The following YOD1 variants were observed in gnomAD, a reference collection of about 807,000 sequenced individuals.
YOD1 encodes ubiquitin thioesterase OTU1.
In YOD1, 17 loss-of-function variants were observed where a neutral mutation model predicts 23.7. The observed-to-expected ratio is 0.72, with a 90% confidence interval of 0.49 to 1.07. The LOEUF (loss-of-function observed/expected upper bound fraction) is 1.07. Ranked by LOEUF, YOD1 falls within the 50% of genes least tolerant of loss-of-function variation. YOD1 has a pLI of 0.00. For synonymous variants in YOD1, 191 were observed against 169.6 expected, an observed-to-expected ratio of 1.13 and a Z score of -0.98; for missense variants, 413 against 447.2, an observed-to-expected ratio of 0.92 and a Z score of 0.69.
chr1:207,045,765 T>C lies in YOD1; in HGVS notation c.*3255A>G, dbSNP rs1185831680. ...AGAGAAGCAAGTTAGGCATGGGCAT[T>C]TAGGGACACAGACAAATTAGATAGA... On this transcript the variant is annotated 3_prime_UTR_variant, in exon 2 of 2. Transcript: ENST00000315927. The C allele has an allele frequency of 6.6e-6, 1 of 152,058 alleles. No individual in the cohort carries two copies. Among genetic ancestry groups the C allele is most frequent in the African/African-American group, 2.4e-5 (1 of 41,422 alleles). 9.4% of individuals were successfully genotyped at this position (152,058 alleles called of 1,614,324 possible).
chr1:207,051,092 C>A lies in YOD1; in HGVS notation c.-62G>T. The A allele has an allele frequency of 1.4e-6, 2 of 1,439,472 alleles. No homozygotes were observed. Among genetic ancestry groups the A allele is most frequent in the Non-Finnish European group, 1.8e-6 (2 of 1,101,122 alleles). The allele number at this position is 1,439,472 out of a possible 1,614,324, so 89.2% of individuals were successfully genotyped here. A position where few individuals can be genotyped will look rare whatever the true frequency, so the allele number is the denominator to read the frequency against. On this transcript the variant is annotated 5_prime_UTR_variant, in exon 1 of 2. Coordinates refer to ENST00000315927, the MANE Select transcript of YOD1 (RefSeq NM_018566.4). ...CTTCGGTGCGGCTTCTGCCTTAGTACCTTAGCAAGCGCGAACTCTTTTAAA... is the reference window on the plus strand; with the variant it reads ...CTTCGGTGCGGCTTCTGCCTTAGTAACTTAGCAAGCGCGAACTCTTTTAAA...
chr1:207,048,070 C>G lies in YOD1; in HGVS notation c.*950G>C, dbSNP rs905738292. On this transcript the variant is annotated 3_prime_UTR_variant, in exon 2 of 2. Transcript: ENST00000315927. ...AAAGCTGAGAAAATTAAATTCCCCC[C>G]GATAAACTTTACGCAAATGAAGAAA... 2.0e-5 allele frequency: 3 copies of G among 152,364 alleles called. No homozygotes were observed. Among genetic ancestry groups the G allele is most frequent in the African/African-American group, 7.3e-5 (3 of 41,360 alleles). 9.4% of individuals were successfully genotyped at this position (152,364 alleles called of 1,614,324 possible).
At position 207,044,978 on chromosome 1, in the gene YOD1, C is replaced by T. The variant is rs746055161; in HGVS notation, c.*4042G>A. On this transcript the variant is annotated 3_prime_UTR_variant, in exon 2 of 2. Coordinates refer to ENST00000315927, the MANE Select transcript of YOD1 (RefSeq NM_018566.4). The stretch of plus-strand genomic sequence containing the variant: ...TAGATAATTTTGAGAAAAATAAACA[C>T]TCTCCCACAACCAGGGACACTTAAT... 2.0e-5 allele frequency: 3 copies of T among 152,446 alleles called. No homozygotes were observed. Among genetic ancestry groups the T allele is most frequent in the Non-Finnish European group, 4.4e-5 (3 of 67,924 alleles). The allele number at this position is 152,446 out of a possible 1,614,324, so 9.4% of individuals were successfully genotyped here. A position where few individuals can be genotyped will look rare whatever the true frequency, so the allele number is the denominator to read the frequency against.
Position 207,049,622 on chromosome 1 carries a change from G to A in YOD1, c.445C>T (p.Leu149Phe), listed in dbSNP as rs751635990. Residue 149 changes from leucine to phenylalanine, a missense_variant, in exon 2 of 2, where the codon CTT becomes TTT. Coordinates refer to ENST00000315927, the MANE Select transcript of YOD1 (RefSeq NM_018566.4). ...SSYVRETLPV[L>F]TRTVVPADNS... ...TCTGCTGGGACCACGGTTCTGGTAA[G>A]CACAGGCAAAGTTTCCCTGACGTAA... 3 of 1,614,194 alleles carry A rather than the reference G, an allele frequency of 1.9e-6. No individual in the cohort carries two copies. In the Admixed American group the frequency reaches 5.0e-5, roughly 27 times the overall value.
Position 207,049,242 on chromosome 1 carries a change from G to C in YOD1, c.825C>G (p.Phe275Leu). Residue 275 changes from phenylalanine to leucine, a missense_variant, in exon 2 of 2, where the codon TTC becomes TTG. Coordinates refer to ENST00000315927, the MANE Select transcript of YOD1 (RefSeq NM_018566.4). ...TCAGAGGAGGTGTATCTGGATCAGG[G>C]AAGTTACGCTGAAGTGGATCATAGT... is the stretch of plus-strand genomic sequence containing the variant. Reference protein sequence around the residue: ...GIHYDPLQRNFPDPDTPPLTI... With the variant: ...GIHYDPLQRNLPDPDTPPLTI... 6.2e-7 allele frequency: 1 copy of C among 1,614,086 alleles called. No individual in the cohort carries two copies. Among genetic ancestry groups the C allele is most frequent in the African/African-American group, 1.3e-5 (1 of 75,012 alleles).
chr1:207,047,780 A>AT lies in YOD1; in HGVS notation c.*1239dup, dbSNP rs1682634616. The stretch of plus-strand genomic sequence containing the variant: ...AAGCTGCATAAGGCAAGGATTTACA[A>AT]TTTTTTCTATTTTGGAAGTGAAACT... On this transcript the variant is annotated 3_prime_UTR_variant, in exon 2 of 2. Transcript: ENST00000315927. 1.3e-5 allele frequency: 2 copies of AT among 152,492 alleles called. No homozygotes were observed. The highest frequency in any genetic ancestry group is 2.4e-5 in the African/African-American group (1 of 41,460). The allele number at this position is 152,492 out of a possible 1,614,324, so 9.4% of individuals were successfully genotyped here.
upstream of YOD1, chr1:207,052,187 C>T (rs764749834): frequency 1.6e-5 from 25 of 1,612,586 alleles, no homozygotes; most frequent in African/African-American, 2.1e-4. Context: ...AAACTCACCT[C>T]CACTGTAAAA....
rs1682639140 is a variant in YOD1, at chr1:207,048,031, A to C, written c.*989T>G. ...TACTTGAAAAAAATTTTTTGGAGGA[A>C]GTGCTCTTAACAAAAAGCTGAGAAA... On this transcript the variant is annotated 3_prime_UTR_variant, in exon 2 of 2. Coordinates refer to ENST00000315927, the MANE Select transcript of YOD1 (RefSeq NM_018566.4). 6.6e-6 allele frequency: 1 copy of C among 152,478 alleles called. No homozygotes were observed. The highest frequency in any genetic ancestry group is 1.5e-5 in the Non-Finnish European group (1 of 68,020). The allele number at this position is 152,478 out of a possible 1,614,324, so 9.4% of individuals were successfully genotyped here.
chr1:207,045,323 GCTC>G lies in YOD1; in HGVS notation c.*3694_*3696del, dbSNP rs1558052426. 6.6e-6 allele frequency: 1 copy of G among 152,442 alleles called. No individual in the cohort carries two copies. The highest frequency in any genetic ancestry group is 1.9e-4 in the East Asian group (1 of 5,208). 9.4% of individuals were successfully genotyped at this position (152,442 alleles called of 1,614,324 possible). On this transcript the variant is annotated 3_prime_UTR_variant, in exon 2 of 2. Coordinates refer to ENST00000315927, the MANE Select transcript of YOD1 (RefSeq NM_018566.4). ...TTTTTAATGCTAGGGCACAGACCAT[GCTC>G]CTAATAGTTACTGAAATTGAGTTCT...
At chr1:207,052,298 A>G (rs1410942742), upstream of YOD1, 6 of 1,392,790 alleles carry the variant, frequency 4.3e-6, no homozygotes, top group African/African-American at 8.5e-5. Flanking sequence ...TTGGTTCTTC[A>G]AGACGACTGC....
intron 1 of YOD1, 128 bp downstream of exon 1, chr1:207,050,560 T>A: frequency 7.3e-6 from 9 of 1,237,732 alleles, no homozygotes; most frequent in Non-Finnish European, 1.0e-5. Flanking sequence ...CTTTGATCTA[T>A]CCTCGCCCCT....
chr1:207,050,608 C>T (rs929507985), intron 1 of YOD1, 80 bp downstream of exon 1: 1 of 1,585,134 alleles, frequency 6.3e-7, no homozygotes, highest in Non-Finnish European at 8.6e-7. Context: ...AGCCACCTTG[C>T]CTTGACTGGT....
intron 1 of YOD1, 99 bp downstream of exon 1, chr1:207,050,589 C>T: frequency 6.5e-7 from 1 of 1,528,938 alleles, no homozygotes; most frequent in Non-Finnish European, 8.9e-7. Flanking sequence ...AGCCCCCCCG[C>T]CGACTCACAG....
chr1:207,048,846 C>G lies in YOD1; in HGVS notation c.*174G>C. On this transcript the variant is annotated 3_prime_UTR_variant, in exon 2 of 2. Coordinates refer to ENST00000315927, the MANE Select transcript of YOD1 (RefSeq NM_018566.4). ...ACCACTGTAGACACACATCTGTAAA[C>G]TTGCACACTAATTTTAATCTTAACA... 1 of 635,268 alleles carries G rather than the reference C, an allele frequency of 1.6e-6. No individual in the cohort carries two copies. The highest frequency in any genetic ancestry group is 2.7e-6 in the Non-Finnish European group (1 of 369,974). 39.4% of individuals were successfully genotyped at this position (635,268 alleles called of 1,614,324 possible).
In YOD1 at chr1:207,044,466, T is replaced by C. The variant is rs1682546394; in HGVS notation, c.*4554A>G. ...TATACCAGTTTATAAAGTAGACTCA[T>C]GTAATCATATTAGAAATTCTGAGCC... On this transcript the variant is annotated 3_prime_UTR_variant, in exon 2 of 2. Coordinates refer to ENST00000315927, the MANE Select transcript of YOD1 (RefSeq NM_018566.4). 6.6e-6 allele frequency: 1 copy of C among 152,556 alleles called. No individual in the cohort carries two copies. The highest frequency in any genetic ancestry group is 2.4e-5 in the African/African-American group (1 of 41,448). The allele number at this position is 152,556 out of a possible 1,614,324, so 9.5% of individuals were successfully genotyped here. A position where few individuals can be genotyped will look rare whatever the true frequency, so the allele number is the denominator to read the frequency against.
chr1:207,047,028 G>C lies in YOD1; in HGVS notation c.*1992C>G, dbSNP rs1278241823. On this transcript the variant is annotated 3_prime_UTR_variant, in exon 2 of 2. Transcript: ENST00000315927. ...TCAATTTGATAATTGTTATCTAGTG[G>C]TATATTCTTAATTTACAGTTTTAAA... 6.6e-6 allele frequency: 1 copy of C among 152,296 alleles called. No homozygotes were observed. The highest frequency in any genetic ancestry group is 1.5e-5 in the Non-Finnish European group (1 of 67,918). 9.4% of individuals were successfully genotyped at this position (152,296 alleles called of 1,614,324 possible). A position where few individuals can be genotyped will look rare whatever the true frequency, so the allele number is the denominator to read the frequency against.
chr1:207,049,006 C>T lies in YOD1; in HGVS notation c.*14G>A. 1 of 1,606,992 alleles carries T rather than the reference C, an allele frequency of 6.2e-7. No homozygotes were observed. The highest frequency in any genetic ancestry group is 8.5e-7 in the Non-Finnish European group (1 of 1,175,908). ...GTGTGAGGTAGTAGGCTTCAACCCT[C>T]ATTCATGCATAGGTCACACTTCTCC... On this transcript the variant is annotated 3_prime_UTR_variant, in exon 2 of 2. Transcript: ENST00000315927.
rs756786190 is a variant in YOD1 at position 207,050,703 on chromosome 1, A to G, written c.328T>C (p.Leu110=). 29 of 1,612,980 alleles carry G rather than the reference A, an allele frequency of 1.8e-5. No homozygotes were observed. Among genetic ancestry groups the G allele is most frequent in the South Asian group, 5.5e-5 (5 of 91,078 alleles). ...LSNGDTILED[L]PIQSGDMLII... ...GATTCCTTACCAGATTGGATGGGCA[A>G]GTCTTCCAGAATGGTATCCCCATTG... Residue 110 remains leucine (L), a synonymous_variant, in exon 1 of 2, where the codon TTG becomes CTG. Transcript: ENST00000315927.
rs780009774 is a variant in YOD1 at position 207,050,961 on chromosome 1, G to A, written c.70C>T (p.Gln24Ter). The change falls in exon 1 of 2, where the codon CAA (glutamine) becomes TAA (stop). Residue 24 changes from glutamine (Q) to a stop codon, truncating the protein, a stop_gained. Coordinates refer to ENST00000315927, the MANE Select transcript of YOD1 (RefSeq NM_018566.4). LOFTEE classifies it high-confidence loss of function. The part of the protein sequence containing the change: ...PAPGFPGGVS[Q>*]QAAGTKAGPA... ...CCAGCTTTGGTCCCGGCAGCCTGTT[G>A]GGAGACGCCGCCGGGGAAACCAGGC... 1.3e-6 allele frequency: 2 copies of A among 1,556,078 alleles called. No individual in the cohort carries two copies. The highest frequency in any genetic ancestry group is 8.7e-7 in the Non-Finnish European group (1 of 1,148,142).
Sources: allele counts gnomAD v4.1 joint callset, GRCh38; gene constraint gnomAD v4.1.1; transcripts MANE v1.5; gene names NCBI Gene and HGNC (gene_info 2026-07-23, HGNC 2026-07-21).